MIPEP: variants seen among roughly 807,000 people sequenced by gnomAD.
MIPEP encodes mitochondrial intermediate peptidase.
In MIPEP, 79 loss-of-function variants were observed where a neutral mutation model predicts 90.3. That is an observed-to-expected ratio of 0.87 (90% CI 0.73 to 1.05). The LOEUF is 1.05. MIPEP is among the 50% of genes least tolerant of loss of function. The pLI, the probability that MIPEP is intolerant of heterozygous loss-of-function variation, is 0.00. For missense variants in MIPEP, 940 were observed against 905.6 expected (o/e 1.04, Z -0.49); for synonymous variants, 334 against 315.8 (o/e 1.06, Z -0.61).
intron 16 of MIPEP, among the ~76,000 whole-genome samples, chr13:23,773,741 C>T (rs1565988944): frequency 6.6e-6 from 1 of 152,150 alleles, no homozygotes; most frequent in Non-Finnish European, 1.5e-5. Context: ...GCTAATTTGT[C>T]ATTTTTGTAT....
In MIPEP at chr13:23,757,064, T is replaced by C. The variant is rs190254662; in HGVS notation, c.1971-446A>G. ...TATTATTACATTATACATTGTAATA[T>C]ATAGTGAAATGATTATACAACTCAC... is the stretch of plus-strand genomic sequence containing the variant. On this transcript the variant is annotated intron_variant, in intron 17 of 18. Transcript: ENST00000382172. Among the ~76,000 whole-genome samples, 17 of 152,246 alleles carry C rather than the reference T, an allele frequency of 1.1e-4. No individual in the cohort carries two copies. In the East Asian group the frequency reaches 2.5e-3, roughly 22 times the overall value.
intron 18 of MIPEP, among the ~76,000 whole-genome samples, chr13:23,734,679 G>A (rs748590832): frequency 6.6e-6 from 1 of 152,152 alleles, no homozygotes; most frequent in Non-Finnish European, 1.5e-5. Flanking sequence ...TCAGTCTTCC[G>A]AGGACCCTTA....
intron 16 of MIPEP, among the ~76,000 whole-genome samples, chr13:23,798,611 G>C (rs117401641): frequency 1.3e-5 from 2 of 152,148 alleles, no homozygotes; most frequent in African/African-American, 4.8e-5. Flanking sequence ...CTGGTAGGAG[G>C]GGATTGGATC....
chr13:23,843,503 AAAAG>A (rs1869400303), intron 10 of MIPEP, among the ~76,000 whole-genome samples: 1 of 152,270 alleles, frequency 6.6e-6, no homozygotes, highest in Non-Finnish European at 1.5e-5. Context: ...TCACATTGCA[AAAAG>A]AAAAGCAGAC....
intron 16 of MIPEP, among the ~76,000 whole-genome samples, chr13:23,804,498 T>C (rs1953083516): frequency 6.6e-6 from 1 of 152,234 alleles, no homozygotes; most frequent in East Asian, 1.9e-4. Flanking sequence ...ATTATTCTTA[T>C]CACTATAAAT....
chr13:23,733,910 T>C (rs1019347023), intron 18 of MIPEP, among the ~76,000 whole-genome samples: 11 of 152,230 alleles, frequency 7.2e-5, no homozygotes, highest in Non-Finnish European at 1.5e-4. Flanking sequence ...AGTGTTCTTT[T>C]TTACAGTAAA....
chr13:23,741,029 G>A (rs1374301516), intron 18 of MIPEP, among the ~76,000 whole-genome samples: 1 of 152,194 alleles, frequency 6.6e-6, no homozygotes, highest in Non-Finnish European at 1.5e-5. Context: ...CACCAATCAG[G>A]CATGGCCAGT....
chr13:23,785,522 G>T (rs1400023986), intron 16 of MIPEP, among the ~76,000 whole-genome samples: 5 of 151,364 alleles, frequency 3.3e-5, no homozygotes, highest in Non-Finnish European at 5.9e-5. Flanking sequence ...TATACCCAAT[G>T]TAAATGACGA....
At chr13:23,832,520 G>A (rs920851542) in intron 14 of MIPEP, among the ~76,000 whole-genome samples, 1 of 152,082 alleles carries the variant, frequency 6.6e-6, no homozygotes. Flanking sequence ...TCTTAGAAAG[G>A]TTTAGGAAGG....
rs115813199 is a variant in MIPEP at position 23,778,010 on chromosome 13, A to G, written c.1849-17793T>C. On this transcript the variant is annotated intron_variant, in intron 16 of 18. Transcript: ENST00000382172. ...ACTATCATTTGATTTATAGACATCT[A>G]TTGCTTCCATTTAAAGGACTTAGCA... Among the ~76,000 whole-genome samples the G allele has an allele frequency of 3.0e-3, 462 of 152,342 alleles. 3 individuals carry two copies. Among genetic ancestry groups the G allele is most frequent in the African/African-American group, 9.9e-3 (411 of 41,594 alleles).
intron 7 of MIPEP, among the ~76,000 whole-genome samples, chr13:23,868,310 G>C (rs1397418089): frequency 6.6e-6 from 1 of 152,170 alleles, no homozygotes; most frequent in East Asian, 1.9e-4. Context: ...AGGCCGCAAT[G>C]AGCGTGACAC....
intron 18 of MIPEP, among the ~76,000 whole-genome samples, chr13:23,741,972 C>G (rs1952335154): frequency 6.6e-6 from 1 of 151,924 alleles, no homozygotes; most frequent in Non-Finnish European, 1.5e-5. Context: ...TCTGGTGGAC[C>G]AAAAAAAGAG....
chr13:23,798,675 A>G (rs555700533), intron 16 of MIPEP, among the ~76,000 whole-genome samples: 1 of 152,246 alleles, frequency 6.6e-6, no homozygotes, highest in East Asian at 1.9e-4. Context: ...TGTTGACACA[A>G]TAGTGATTTC....
chr13:23,880,402 G>GC (rs1422887613), intron 3 of MIPEP, among the ~76,000 whole-genome samples: 1 of 152,178 alleles, frequency 6.6e-6, no homozygotes, highest in African/African-American at 2.4e-5. Context: ...TGCCCGCACT[G>GC]CCCCCACTGC....
intron 5 of MIPEP, 124 bp from the exon 6 acceptor site, chr13:23,870,319 T>C: frequency 2.2e-6 from 1 of 460,706 alleles, no homozygotes; most frequent in East Asian, 3.9e-5. Flanking sequence ...TAATAAAATA[T>C]TAGTTTAGTA....
At chr13:23,832,609 C>T (rs1240195841) in intron 14 of MIPEP, among the ~76,000 whole-genome samples, 2 of 152,052 alleles carry the variant, frequency 1.3e-5, no homozygotes, top group Admixed American at 6.5e-5. Flanking sequence ...GAAGAAGTTA[C>T]GCGGAAGGTA....
chr13:23,733,879 T>A (rs1348991191), intron 18 of MIPEP, among the ~76,000 whole-genome samples: 1 of 152,232 alleles, frequency 6.6e-6, no homozygotes, highest in African/African-American at 2.4e-5. Context: ...TGTCTATTTG[T>A]GCAATTAAAG....
chr13:23,868,666 G>C (rs1272132376), intron 7 of MIPEP, among the ~76,000 whole-genome samples: 2 of 152,078 alleles, frequency 1.3e-5, no homozygotes, highest in African/African-American at 4.8e-5. Flanking sequence ...CCCTACTCCT[G>C]ACTCACCACC....
At chr13:23,741,192 GA>G (rs1419286156) in intron 18 of MIPEP, among the ~76,000 whole-genome samples, 1 of 152,174 alleles carries the variant, frequency 6.6e-6, no homozygotes, top group Non-Finnish European at 1.5e-5. Flanking sequence ...AGGTTGTAGA[GA>G]AAAAGGAATG....
Sources: gnomAD v4.1 joint callset for allele counts (sites outside exome capture counted in the v4.1 genomes callset) on GRCh38, gnomAD v4.1.1 for gene constraint, MANE v1.5 for transcripts, NCBI Gene and HGNC (gene_info 2026-07-23, HGNC 2026-07-21) for gene names.